TRMT11: variants seen among roughly 807,000 people sequenced by gnomAD.
The protein encoded by TRMT11 is tRNA methyltransferase 11, also known as tRNA (guanine(10)-N(2))-methyltransferase TRMT11.
In TRMT11, 53 loss-of-function variants were observed where a neutral mutation model predicts 62.8. The ratio of observed to expected loss-of-function variants is 0.84; its 90% confidence interval spans 0.68 to 1.06. The LOEUF (loss-of-function observed/expected upper bound fraction) is 1.06. TRMT11 is among the 50% of genes least tolerant of loss of function. TRMT11 has a pLI of 0.00. For synonymous variants in TRMT11, 188 were observed against 190.3 expected (o/e 0.99, Z 0.10); for missense variants, 556 against 553.4 (o/e 1.00, Z -0.05).
intron 1 of TRMT11, among the ~76,000 whole-genome samples, chr6:126,196,347 C>T (rs1390850962): frequency 6.6e-6 from 1 of 152,076 alleles, no homozygotes; most frequent in African/African-American, 2.4e-5. Context: ...AAAGATCTAC[C>T]ACTCACTTAT....
At chr6:126,151,900 C>CCTTCCTTTCT (rs869034417) in intron 21 of TRMT11, among the ~76,000 whole-genome samples, 36 of 32,982 alleles carry the variant, frequency 1.1e-3, no homozygotes, top group Admixed American at 3.7e-3. Flanking sequence ...CTTTTTCTTT[C>CCTTCCTTTCT]TTTTCTCTTT....
intron 12 of TRMT11, among the ~76,000 whole-genome samples, chr6:126,031,645 G>A (rs552177800): frequency 9.9e-5 from 15 of 152,284 alleles, no homozygotes; most frequent in Middle Eastern, 3.4e-3. Flanking sequence ...CTTCAGTGTA[G>A]CTGGAAATAC....
At chr6:126,199,716 A>T (rs1439918184) in intron 2 of TRMT11, 1 of 152,282 alleles carries the variant, frequency 6.6e-6, no homozygotes, top group Non-Finnish European at 1.5e-5. Flanking sequence ...GCAGAGGGAC[A>T]TGCTAATGTA....
the TRMT11 span, among the ~76,000 whole-genome samples, chr6:126,224,618 A>T: frequency 1.3e-5 from 2 of 152,204 alleles, no homozygotes; most frequent in Non-Finnish European, 2.9e-5. Flanking sequence ...GCCCATGCTC[A>T]CATTCCAGCA....
chr6:126,163,006 A>G (rs1215380768), intron 21 of TRMT11, among the ~76,000 whole-genome samples: 2 of 152,208 alleles, frequency 1.3e-5, no homozygotes, highest in East Asian at 3.9e-4. Context: ...ATCTGCAAAC[A>G]GAGACAATTT....
chr6:126,048,292 T>C (rs1776117374), intron 16 of TRMT11, among the ~76,000 whole-genome samples: 2 of 152,240 alleles, frequency 1.3e-5, no homozygotes, highest in African/African-American at 2.4e-5. Flanking sequence ...ATGGAAGTAG[T>C]TGGTCTGGTC....
chr6:126,268,440 G>T, the TRMT11 span, among the ~76,000 whole-genome samples: 1 of 152,190 alleles, frequency 6.6e-6, no homozygotes, highest in Admixed American at 6.5e-5. Flanking sequence ...CAAAGAAGAT[G>T]CTGGGATGAG....
chr6:126,244,603 C>G, the TRMT11 span, among the ~76,000 whole-genome samples: 11 of 152,204 alleles, frequency 7.2e-5, no homozygotes, highest in Non-Finnish European at 1.3e-4. Context: ...ATACACGTAT[C>G]CACTTAGGGA....
At chr6:126,122,232 C>A (rs991279509) in intron 21 of TRMT11, among the ~76,000 whole-genome samples, 5 of 152,104 alleles carry the variant, frequency 3.3e-5, no homozygotes, top group Admixed American at 3.3e-4. Context: ...ATTACCCAGT[C>A]TCGGGTATGT....
chr6:126,003,600 G>A (rs1792869400), intron 7 of TRMT11, among the ~76,000 whole-genome samples: 2 of 152,054 alleles, frequency 1.3e-5, no homozygotes, highest in Admixed American at 1.3e-4. Flanking sequence ...ATATCTCAAT[G>A]TAGTGTTAAT....
intron 17 of TRMT11, among the ~76,000 whole-genome samples, chr6:126,080,429 T>C (rs1777137134): frequency 6.6e-6 from 1 of 152,058 alleles, no homozygotes; most frequent in Non-Finnish European, 1.5e-5. Flanking sequence ...CTGACTTAAG[T>C]TTCCATAATG....
chr6:125,992,920 GT>G (rs1790855334), intron 1 of TRMT11, among the ~76,000 whole-genome samples: 1 of 152,210 alleles, frequency 6.6e-6, no homozygotes, highest in African/African-American at 2.4e-5. Context: ...AATGGCACTA[GT>G]AGCTTGAACT....
intron 1 of TRMT11, among the ~76,000 whole-genome samples, chr6:126,185,770 G>A (rs1778519925): frequency 6.6e-6 from 1 of 152,120 alleles, no homozygotes; most frequent in Non-Finnish European, 1.5e-5. Flanking sequence ...GTTCTGCATG[G>A]CTGGGGAGGC....
At chr6:126,173,566 C>A (rs2128237432), upstream of TRMT11, among the ~76,000 whole-genome samples, 1 of 152,270 alleles carries the variant, frequency 6.6e-6, no homozygotes, top group South Asian at 2.1e-4. Flanking sequence ...AACTGGTAAG[C>A]AGACCCCAGA....
At chr6:125,988,410 C>T (rs960256411) in intron 1 of TRMT11, among the ~76,000 whole-genome samples, 4 of 152,084 alleles carry the variant, frequency 2.6e-5, no homozygotes, top group Non-Finnish European at 5.9e-5. Flanking sequence ...AAGGAGGATT[C>T]TCCCCATGGA....
At chr6:126,058,732 T>C (rs1776441714) in intron 17 of TRMT11, among the ~76,000 whole-genome samples, 1 of 152,170 alleles carries the variant, frequency 6.6e-6, no homozygotes, top group Non-Finnish European at 1.5e-5. Context: ...TAAAAAATGA[T>C]AAAGAGGATA....
intron 17 of TRMT11, among the ~76,000 whole-genome samples, chr6:126,057,614 C>G (rs1002113206): frequency 2.0e-5 from 3 of 152,228 alleles, no homozygotes; most frequent in African/African-American, 7.2e-5. Flanking sequence ...GCTTGAAATT[C>G]ACTGAGACCA....
intron 12 of TRMT11, among the ~76,000 whole-genome samples, chr6:126,023,024 A>T (rs1475261309): frequency 6.6e-6 from 1 of 152,208 alleles, no homozygotes; most frequent in Non-Finnish European, 1.5e-5. Context: ...TTTATTAATC[A>T]GTTATTTTGT....
At chr6:125,999,912 A>G (rs1792191606) in intron 7 of TRMT11, among the ~76,000 whole-genome samples, 1 of 152,172 alleles carries the variant, frequency 6.6e-6, no homozygotes, top group South Asian at 2.1e-4. Context: ...AATGTTGTAA[A>G]GCTGTATAGT....
Sources: allele counts gnomAD v4.1 joint callset (sites outside exome capture counted in the v4.1 genomes callset), GRCh38; gene constraint gnomAD v4.1.1; transcripts MANE v1.5; gene names NCBI Gene and HGNC (gene_info 2026-07-23, HGNC 2026-07-21).